UTRN: variants seen among roughly 807,000 people sequenced by gnomAD.
UTRN encodes dystrophin-related protein 1.
UTRN carries 283 observed loss-of-function variants against 463.9 expected under a neutral mutation model. The ratio of observed to expected loss-of-function variants is 0.61; its 90% CI spans 0.55 to 0.67. The LOEUF (loss-of-function observed/expected upper bound fraction) is 0.67, where lower values mean the gene tolerates loss of function less well. UTRN is among the 30% of genes least tolerant of loss of function. The pLI is 0.00. For synonymous variants in UTRN, 1,442 were observed against 1,431.5 expected (o/e 1.01, Z -0.17); for missense variants, 3,922 against 4,084.3 (o/e 0.96, Z 1.08).
intron 2 of UTRN, among the ~76,000 whole-genome samples, chr6:144,394,807 C>T (rs1255927531): frequency 6.6e-6 from 1 of 151,792 alleles, no homozygotes; most frequent in Non-Finnish European, 1.5e-5. Flanking sequence ...TCCCTCATAA[C>T]ATGAGGAAAA....
chr6:144,440,755 G>A (rs116310174), intron 13 of UTRN, among the ~76,000 whole-genome samples: 3,015 of 152,214 alleles, frequency 0.02, 104 homozygotes, highest in African/African-American at 0.069. Flanking sequence ...GTATTAGTCC[G>A]TTTTCACACT....
intron 50 of UTRN, among the ~76,000 whole-genome samples, chr6:144,568,587 A>G (rs1800642086): frequency 6.6e-6 from 1 of 152,162 alleles, no homozygotes; most frequent in Non-Finnish European, 1.5e-5. Context: ...GAACTCTTCC[A>G]CATTAATGCT....
At chr6:144,770,584 G>A (rs1452802572) in intron 58 of UTRN, among the ~76,000 whole-genome samples, 1 of 152,026 alleles carries the variant, frequency 6.6e-6, no homozygotes, top group Non-Finnish European at 1.5e-5. Context: ...TAAATGTAAG[G>A]CCACTGACCC....
intron 35 of UTRN, among the ~76,000 whole-genome samples, chr6:144,511,956 A>G (rs1795212563): frequency 6.6e-6 from 1 of 152,152 alleles, no homozygotes; most frequent in Non-Finnish European, 1.5e-5. Context: ...GGTAATGGAT[A>G]GAGACATAAA....
chr6:144,329,951 C>T lies in UTRN; in HGVS notation c.79+38044C>T, dbSNP rs28364820. ...TGATGAGCTCTATGATGGCATCTGGCCTCTTGAGTGTGTAGACTAGTACGA... is the reference window on the plus strand; with the variant it reads ...TGATGAGCTCTATGATGGCATCTGGTCTCTTGAGTGTGTAGACTAGTACGA... On this transcript the variant is annotated intron_variant, in intron 2 of 74. Transcript: ENST00000367545. 2.1e-4 allele frequency among the ~76,000 whole-genome samples: 32 copies of T among 152,290 alleles called. No individual in the cohort carries two copies. In the East Asian group the frequency reaches 6.2e-3, roughly 29 times the overall value.
intron 2 of UTRN, among the ~76,000 whole-genome samples, chr6:144,395,729 G>A (rs1782345538): frequency 6.6e-6 from 1 of 152,138 alleles, no homozygotes; most frequent in African/African-American, 2.4e-5. Flanking sequence ...CTGAATCCCA[G>A]CTACTTCAGG....
rs527968830 is a variant in UTRN at position 144,789,106 on chromosome 6, C to T, written c.8835-88C>T. The T allele has an allele frequency of 9.2e-5, 96 of 1,040,218 alleles. No homozygotes were observed. In the African/African-American group the frequency reaches 1.4e-3, roughly 15 times the overall value. 64.4% of individuals were successfully genotyped at this position (1,040,218 alleles called of 1,614,324 possible). Reference sequence around the variant, plus strand: ...AGATACAATTATTTTTGATGGTTTACCCCCAAGAAAATAGATATTCAGAAA... The same window carrying T: ...AGATACAATTATTTTTGATGGTTTATCCCCAAGAAAATAGATATTCAGAAA... On this transcript the variant is annotated intron_variant, in intron 61 of 74. Coordinates refer to ENST00000367545, the MANE Select transcript of UTRN (RefSeq NM_007124.3).
intron 2 of UTRN, among the ~76,000 whole-genome samples, chr6:144,369,175 G>A (rs544096662): frequency 3.9e-5 from 6 of 152,316 alleles, no homozygotes; most frequent in East Asian, 3.9e-4. Context: ...CTGTTCATTC[G>A]TTCATTTGAT....
chr6:144,482,463 G>A, intron 27 of UTRN, 75 bp downstream of exon 27: 1 of 1,008,184 alleles, frequency 9.9e-7, no homozygotes, highest in Non-Finnish European at 1.3e-6. Context: ...GTATTTCTGA[G>A]ATCCAAACTC....
At chr6:144,732,429 C>T (rs975048771) in intron 54 of UTRN, among the ~76,000 whole-genome samples, 1 of 151,656 alleles carries the variant, frequency 6.6e-6, no homozygotes, top group Non-Finnish European at 1.5e-5. Flanking sequence ...TCTGTTGCTA[C>T]TTTTGGTAGC....
chr6:144,675,695 G>A (rs1386591821), intron 51 of UTRN, among the ~76,000 whole-genome samples: 1 of 152,176 alleles, frequency 6.6e-6, no homozygotes, highest in African/African-American at 2.4e-5. Context: ...CTCAGGTGAT[G>A]GGTAAGGCTG....
intron 7 of UTRN, among the ~76,000 whole-genome samples, chr6:144,427,854 G>A (rs890008661): frequency 6.6e-6 from 1 of 152,194 alleles, no homozygotes; most frequent in Non-Finnish European, 1.5e-5. Flanking sequence ...AAAAATCTTA[G>A]TTCTCGTGGA....
At chr6:144,557,063 A>C in intron 49 of UTRN, 94 bp from the exon 50 acceptor site, 1 of 1,461,544 alleles carries the variant, frequency 6.8e-7, no homozygotes, top group East Asian at 2.3e-5. Flanking sequence ...TCTGTATCTA[A>C]AGCATGTCAA....
At chr6:144,816,137 A>G (rs1779056292) in intron 65 of UTRN, among the ~76,000 whole-genome samples, 1 of 152,220 alleles carries the variant, frequency 6.6e-6, no homozygotes, top group Non-Finnish European at 1.5e-5. Context: ...TGTACCAAAA[A>G]TAGACATTCT....
intron 52 of UTRN, among the ~76,000 whole-genome samples, chr6:144,686,201 G>A (rs1782739575): frequency 6.6e-6 from 1 of 152,068 alleles, no homozygotes; most frequent in African/African-American, 2.4e-5. Context: ...AAATCAGTTG[G>A]TTGTAAGTAT....
chr6:144,432,897 A>AT (rs1168955155), intron 9 of UTRN, among the ~76,000 whole-genome samples: 1 of 152,138 alleles, frequency 6.6e-6, no homozygotes, highest in African/African-American at 2.4e-5. Flanking sequence ...CTTAACGAGC[A>AT]TGCTGCCTTC....
At chr6:144,418,132 A>T (rs938707060) in intron 3 of UTRN, among the ~76,000 whole-genome samples, 1 of 152,106 alleles carries the variant, frequency 6.6e-6, no homozygotes, top group Non-Finnish European at 1.5e-5. Flanking sequence ...CCAAAATTCT[A>T]TGGCCAATAA....
Position 144,617,442 on chromosome 6 carries a change from C to T in UTRN, c.7479+40154C>T, listed in dbSNP as rs142323135. Among the ~76,000 whole-genome samples the T allele has an allele frequency of 7.2e-5, 11 of 152,218 alleles. No individual in the cohort carries two copies. The East Asian group carries it at 1.7e-3, about 24-fold the overall frequency. ...CACCTCAATTTGGTATCCAGGTTTG[C>T]GTTTGGCAATAAATTCCTCTTGGCA... On this transcript the variant is annotated intron_variant, in intron 51 of 74. Transcript: ENST00000367545.
chr6:144,382,643 TA>T (rs1258456674), intron 2 of UTRN, among the ~76,000 whole-genome samples: 2 of 152,144 alleles, frequency 1.3e-5, no homozygotes, highest in African/African-American at 4.8e-5. Flanking sequence ...AGGAGAAAAA[TA>T]AATTGTTCAA....
Sources: gnomAD v4.1 joint callset for allele counts (sites outside exome capture counted in the v4.1 genomes callset) on GRCh38, gnomAD v4.1.1 for gene constraint, MANE v1.5 for transcripts, NCBI Gene and HGNC (gene_info 2026-07-23, HGNC 2026-07-21) for gene names.